Variants in GNG12 observed in about 807,000 individuals in gnomAD.
The protein encoded by GNG12 is guanine nucleotide-binding protein G(I)/G(S)/G(O) subunit gamma-12.
For missense variants in GNG12, 69 were observed against 83.8 expected, an observed-to-expected ratio of 0.82 and a Z score of 0.69; for synonymous variants, 28 against 29.7, an observed-to-expected ratio of 0.94 and a Z score of 0.19.
At chr1:67,805,983 A>G (rs1276317) in intron 1 of GNG12, among the ~76,000 whole-genome samples, 39,076 of 151,718 alleles carry the variant, frequency 0.26, 5,655 homozygotes, top group Admixed American at 0.34. Context: ...AGAGAGTGGA[A>G]TGAATCATAT....
chr1:67,750,946 A>G (rs1646535115), intron 2 of GNG12, among the ~76,000 whole-genome samples: 1 of 152,212 alleles, frequency 6.6e-6, no homozygotes, highest in Non-Finnish European at 1.5e-5. Flanking sequence ...TACTCATCAT[A>G]TACTTTAAAA....
chr1:67,796,608 C>T (rs959107485), intron 1 of GNG12, among the ~76,000 whole-genome samples: 3 of 152,000 alleles, frequency 2.0e-5, no homozygotes, highest in African/African-American at 7.3e-5. Flanking sequence ...TTGGGTTATG[C>T]TTTAGTTCAT....
rs731927 is a variant in GNG12 at position 67,760,633 on chromosome 1, G to C, written c.-27+16825C>G. 1.9e-3 allele frequency among the ~76,000 whole-genome samples: 288 copies of C among 152,298 alleles called. 1 individual carries two copies. The highest frequency in any genetic ancestry group is 3.8e-3 in the Admixed American group (58 of 15,294). On this transcript the variant is annotated intron_variant, in intron 2 of 3. Coordinates refer to ENST00000370982, the MANE Select transcript of GNG12 (RefSeq NM_018841.6). Reference sequence around the variant, plus strand: ...GTCAAAGCTAATGTAGAACTGTGTGGAAATACTGAACCTTAGTGTTAGAAC... The same window carrying C: ...GTCAAAGCTAATGTAGAACTGTGTGCAAATACTGAACCTTAGTGTTAGAAC...
intron 1 of GNG12, among the ~76,000 whole-genome samples, chr1:67,811,465 A>G (rs2100809578): frequency 6.6e-6 from 1 of 152,310 alleles, no homozygotes; most frequent in South Asian, 2.1e-4. Flanking sequence ...CTGCGGTAAA[A>G]TAATACTTCC....
chr1:67,803,922 G>C (rs1557623095), intron 1 of GNG12, among the ~76,000 whole-genome samples: 1 of 152,206 alleles, frequency 6.6e-6, no homozygotes, highest in Non-Finnish European at 1.5e-5. Flanking sequence ...GAATGAAACA[G>C]CAGTGAAGCA....
chr1:67,823,224 T>C (rs1481430677), intron 1 of GNG12, among the ~76,000 whole-genome samples: 2 of 152,252 alleles, frequency 1.3e-5, no homozygotes, highest in East Asian at 1.9e-4. Flanking sequence ...CAGGAAATGC[T>C]ATTGAAATGT....
At chr1:67,743,054 T>A (rs1389292844) in intron 2 of GNG12, among the ~76,000 whole-genome samples, 2 of 152,260 alleles carry the variant, frequency 1.3e-5, no homozygotes, top group East Asian at 3.9e-4. Flanking sequence ...ATACAAGCTA[T>A]CTACTTACTA....
chr1:67,789,532 G>C (rs572745753), intron 1 of GNG12, among the ~76,000 whole-genome samples: 3 of 152,166 alleles, frequency 2.0e-5, no homozygotes, highest in Non-Finnish European at 4.4e-5. Flanking sequence ...AGGTAACTGA[G>C]ATTTTGCTAT....
chr1:67,753,838 T>G (rs1356739011), intron 2 of GNG12, among the ~76,000 whole-genome samples: 1 of 152,202 alleles, frequency 6.6e-6, no homozygotes, highest in Non-Finnish European at 1.5e-5. Context: ...GGGTGGTTTC[T>G]GTCTGAGTTG....
At chr1:67,730,283 T>A (rs1243825251) in intron 2 of GNG12, among the ~76,000 whole-genome samples, 4 of 152,188 alleles carry the variant, frequency 2.6e-5, no homozygotes, top group Non-Finnish European at 5.9e-5. Context: ...GCAGATTACA[T>A]GAGGCCAGGA....
chr1:67,708,558 C>A (rs1040568160), intron 2 of GNG12, among the ~76,000 whole-genome samples: 1 of 152,194 alleles, frequency 6.6e-6, no homozygotes, highest in African/African-American at 2.4e-5. Flanking sequence ...TCTCCTTAGC[C>A]ACCTGGTGTA....
intron 1 of GNG12, among the ~76,000 whole-genome samples, chr1:67,781,837 C>T (rs2418854): frequency 0.016 from 2,469 of 151,834 alleles, 79 homozygotes; most frequent in African/African-American, 0.057. Flanking sequence ...AACAGATTGA[C>T]GGAAGAAAAA....
At chr1:67,769,254 C>T (rs1387911284) in intron 2 of GNG12, among the ~76,000 whole-genome samples, 3 of 152,104 alleles carry the variant, frequency 2.0e-5, no homozygotes, top group Admixed American at 6.6e-5. Context: ...CTATACTCAG[C>T]GAGTGACCTA....
At chr1:67,803,473 G>T (rs761858965) in intron 1 of GNG12, among the ~76,000 whole-genome samples, 1 of 152,182 alleles carries the variant, frequency 6.6e-6, no homozygotes, top group Non-Finnish European at 1.5e-5. Flanking sequence ...AGGAGTGAGA[G>T]AACAGCAGCC....
chr1:67,749,206 G>A (rs1646524790), intron 2 of GNG12, among the ~76,000 whole-genome samples: 1 of 152,168 alleles, frequency 6.6e-6, no homozygotes, highest in South Asian at 2.1e-4. Context: ...ATTTGGGTTC[G>A]CATCCTGCCT....
chr1:67,707,601 C>A lies in GNG12; in HGVS notation c.86G>T (p.Arg29Ile). ...QQLRLEASIERIKVSKASADL... is the reference protein window; with the variant it reads ...QQLRLEASIEIIKVSKASADL... ...CCAGTCGGGGCTTCTTACCTTTATT[C>A]TTTCAATGGAGGCTTCTAATCTTAA... The change falls in exon 3 of 4, where the codon AGA (arginine) becomes ATA (isoleucine). Residue 29 changes from arginine (R) to isoleucine (I), a missense_variant. Transcript: ENST00000370982. The A allele has an allele frequency of 6.4e-7, 1 of 1,560,828 alleles. No homozygotes were observed. Among genetic ancestry groups the A allele is most frequent in the Non-Finnish European group, 8.8e-7 (1 of 1,135,522 alleles).
At chr1:67,732,833 C>T (rs979660864) in intron 2 of GNG12, among the ~76,000 whole-genome samples, 3 of 152,158 alleles carry the variant, frequency 2.0e-5, no homozygotes, top group East Asian at 1.9e-4. Context: ...AGCAAGTTTC[C>T]GCAGGGGTGA....
At chr1:67,826,844 C>A (rs569932153) in intron 1 of GNG12, among the ~76,000 whole-genome samples, 1 of 152,146 alleles carries the variant, frequency 6.6e-6, no homozygotes, top group Non-Finnish European at 1.5e-5. Flanking sequence ...AATAATTTAT[C>A]CCCCCAAAAC....
intron 2 of GNG12, among the ~76,000 whole-genome samples, chr1:67,765,093 A>G (rs146643515): frequency 2.4e-3 from 371 of 152,352 alleles, no homozygotes; most frequent in African/African-American, 8.8e-3. Context: ...GACAAAATAT[A>G]TAAGAATATT....
Sources: gnomAD v4.1 joint callset for allele counts (sites outside exome capture counted in the v4.1 genomes callset) on GRCh38, gnomAD v4.1.1 for gene constraint, MANE v1.5 for transcripts, NCBI Gene and HGNC (gene_info 2026-07-23, HGNC 2026-07-21) for gene names.